Variants in THBS4 observed in about 807,000 individuals in gnomAD.
THBS4 encodes thrombospondin-4.
In THBS4, 90 loss-of-function variants were observed where a neutral mutation model predicts 115.7. The observed-to-expected ratio is 0.78, with a 90% CI of 0.66 to 0.93. THBS4 has a LOEUF of 0.93. Ranked by LOEUF, THBS4 falls within the 40% of genes least tolerant of loss-of-function variation. The pLI, the probability that THBS4 is intolerant of heterozygous loss-of-function variation, is 0.00. For missense variants in THBS4, 1,087 were observed against 1,232.7 expected (o/e 0.88, Z 1.77); for synonymous variants, 460 against 479.3 (o/e 0.96, Z 0.53).
intron 2 of THBS4, among the ~76,000 whole-genome samples, chr5:80,044,487 A>C (rs570434445): frequency 4.8e-4 from 73 of 152,232 alleles, no homozygotes; most frequent in African/African-American, 1.7e-3. Flanking sequence ...CAGTCGCTAG[A>C]TATCGGCTCA....
At position 80,040,133 on chromosome 5, in the gene THBS4, G is replaced by A; in HGVS notation, c.145G>A (p.Val49Ile). ...GCTAAACCCAGGCGCTCTGCTGCCA[G>A]TCCTGACAGACCCCGCCCTGAATGA... ...QRLNPGALLP[V>I]LTDPALNDLY... The change falls in exon 2 of 22, where the codon GTC (valine) becomes ATC (isoleucine). Residue 49 changes from valine to isoleucine, a missense_variant. Val to Ile is a conservative substitution (Grantham distance 29). Around this residue, in one of 3 missense-constraint regions of THBS4, gnomAD observed 979 missense variants for 1,103.7 expected, o/e 0.89. Coordinates refer to ENST00000350881, the MANE Select transcript of THBS4 (RefSeq NM_003248.6). 6.2e-7 allele frequency: 1 copy of A among 1,614,054 alleles called. No homozygotes were observed. The highest frequency in any genetic ancestry group is 8.5e-7 in the Non-Finnish European group (1 of 1,180,018).
At chr5:80,064,201 C>T (rs1428908213) in intron 8 of THBS4, among the ~76,000 whole-genome samples, 2 of 152,228 alleles carry the variant, frequency 1.3e-5, no homozygotes, top group Admixed American at 6.5e-5. Context: ...CAAAGCACCA[C>T]ACTTGTACCA....
chr5:80,065,277 C>T (rs1279126283), intron 8 of THBS4, 132 bp from the exon 9 acceptor site: 16 of 690,204 alleles, frequency 2.3e-5, no homozygotes, highest in South Asian at 1.1e-4. Flanking sequence ...CACAAATAAC[C>T]CTCAGATTAC....
At chr5:80,057,419 C>T (rs1177157910) in intron 3 of THBS4, among the ~76,000 whole-genome samples, 1 of 152,172 alleles carries the variant, frequency 6.6e-6, no homozygotes, top group Admixed American at 6.5e-5. Flanking sequence ...TTAGTGCTAC[C>T]ATGGTGGGCA....
chr5:80,041,153 C>T (rs542439982), intron 2 of THBS4, among the ~76,000 whole-genome samples: 3 of 152,274 alleles, frequency 2.0e-5, no homozygotes, highest in East Asian at 3.9e-4. Context: ...CCATACCACC[C>T]GCAGATTTGG....
chr5:79,998,778 A>T lies in THBS4; in HGVS notation n.177+351A>T, dbSNP rs549331839. On this transcript the variant is annotated intron_variant and non_coding_transcript_variant, in intron 2 of 3. Coordinates refer to the THBS4 transcript ENST00000510218. ...GGCATGTGATGCAAAAAATGGGCAC[A>T]TGAAATATCCAGAGCATTCAACCAG... Among the ~76,000 whole-genome samples, 5 of 152,248 alleles carry T rather than the reference A, an allele frequency of 3.3e-5. No individual in the cohort carries two copies. In the South Asian group the frequency reaches 1.0e-3, roughly 32 times the overall value.
At chr5:80,036,332 G>A (rs1368979411) in intron 1 of THBS4, among the ~76,000 whole-genome samples, 1 of 152,116 alleles carries the variant, frequency 6.6e-6, no homozygotes. Flanking sequence ...GCAGTGGATA[G>A]ATATGGACAT....
At chr5:80,059,408 T>G (rs2112096653) in intron 5 of THBS4, 32 bp from the exon 6 acceptor site, 2 of 1,607,318 alleles carry the variant, frequency 1.2e-6, no homozygotes, top group Non-Finnish European at 1.7e-6. Context: ...GCATTCCTTT[T>G]CAATCCTTTT....
In THBS4 at chr5:80,056,039, ACCCAC is replaced by A; in HGVS notation, c.540+8_540+12del. 1 of 1,586,344 alleles carries A rather than the reference ACCCAC, an allele frequency of 6.3e-7. No homozygotes were observed. Among genetic ancestry groups the A allele is most frequent in the Non-Finnish European group, 8.6e-7 (1 of 1,163,080 alleles). ...TTTCCAGAGGAAGCCACAGGTAGGAACCCACAAACCATTCTCTGAAGTGGAAAAAT... is the reference window on the plus strand; with the variant it reads ...TTTCCAGAGGAAGCCACAGGTAGGAAAAACCATTCTCTGAAGTGGAAAAAT... On this transcript the variant is annotated splice_region_variant and intron_variant, in intron 3 of 21. Coordinates refer to ENST00000350881, the MANE Select transcript of THBS4 (RefSeq NM_003248.6).
chr5:80,070,468 C>T, intron 11 of THBS4, 58 bp downstream of exon 11: 3 of 1,512,190 alleles, frequency 2.0e-6, no homozygotes, highest in Non-Finnish European at 2.8e-6. Context: ...AAAGTCACAT[C>T]TTCTATGGGG....
At chr5:80,042,827 A>G (rs1832946273) in intron 2 of THBS4, among the ~76,000 whole-genome samples, 1 of 152,236 alleles carries the variant, frequency 6.6e-6, no homozygotes, top group South Asian at 2.1e-4. Context: ...TTAGCCAGGC[A>G]TGGCAGTATG....
In THBS4 at chr5:80,082,497, T is replaced by C. The variant is rs758819701; in HGVS notation, c.2776T>C (p.Phe926Leu). The C allele has an allele frequency of 6.2e-7, 1 of 1,614,206 alleles. No individual in the cohort carries two copies. The highest frequency in any genetic ancestry group is 8.5e-7 in the Non-Finnish European group (1 of 1,180,040). Residue 926 changes from phenylalanine (F) to leucine (L), a missense_variant, in exon 21 of 22, where the codon TTC (phenylalanine) becomes CTC (leucine). Physicochemically the swap from Phe to Leu is conservative, Grantham distance 22. Around this residue, in one of 3 missense-constraint regions of THBS4, gnomAD observed 103 missense variants for 108.2 expected, o/e 0.95. Coordinates refer to ENST00000350881, the MANE Select transcript of THBS4 (RefSeq NM_003248.6). ...TGGAGGCCGACTTGGCGTTTTCTGCTTCTCTCAAGAAAACATCATCTGGTC... is the reference window on the plus strand; with the variant it reads ...TGGAGGCCGACTTGGCGTTTTCTGCCTCTCTCAAGAAAACATCATCTGGTC... Reference protein sequence around the residue: ...MRGGRLGVFCFSQENIIWSNL... With the variant: ...MRGGRLGVFCLSQENIIWSNL...
chr5:80,051,466 G>A (rs17879700), intron 2 of THBS4, among the ~76,000 whole-genome samples: 5,257 of 152,290 alleles, frequency 0.035, 123 homozygotes, highest in Non-Finnish European at 0.05. Context: ...TAATTTTTCT[G>A]CTAACAAACA....
rs140412206 is a variant in THBS4, at chr5:80,060,543, T to G, written c.987+638T>G. 1.4e-3 allele frequency among the ~76,000 whole-genome samples: 210 copies of G among 152,240 alleles called. 2 individuals are homozygous for G. In the Middle Eastern group the frequency reaches 0.027, roughly 20 times the overall value. ...GGGAGGCTGAGGCAGGAGGATCACA[T>G]GAGCCCAGGAGTTTGAGACCAGCCC... On this transcript the variant is annotated intron_variant, in intron 7 of 21. Coordinates refer to ENST00000350881, the MANE Select transcript of THBS4 (RefSeq NM_003248.6).
chr5:79,992,626 G>A (rs1335462605), intron 1 of THBS4, among the ~76,000 whole-genome samples: 2 of 152,200 alleles, frequency 1.3e-5, no homozygotes, highest in Admixed American at 1.3e-4. Flanking sequence ...CATTTATTGA[G>A]CAGCTCCTAT....
chr5:80,075,162 G>GTTAT (rs2112156097), intron 15 of THBS4: 1 of 152,246 alleles, frequency 6.6e-6, no homozygotes, highest in South Asian at 2.1e-4. Flanking sequence ...TTTTTTTGGT[G>GTTAT]TTATTTTTTA....
intron 2 of THBS4, among the ~76,000 whole-genome samples, chr5:80,011,236 C>T (rs141870353): frequency 0.013 from 1,984 of 152,314 alleles, 49 homozygotes; most frequent in African/African-American, 0.046. Context: ...TCCCCAGCCA[C>T]GTGGAACTGC....
intron 21 of THBS4, 56 bp from the exon 22 acceptor site, chr5:80,083,024 C>A (rs1353970365): frequency 4.6e-6 from 7 of 1,527,326 alleles, no homozygotes; most frequent in African/African-American, 4.1e-5. Flanking sequence ...GGCGGGGGTC[C>A]GGGGTCCGGG....
At chr5:80,041,804 G>T (rs1832912394) in intron 2 of THBS4, among the ~76,000 whole-genome samples, 1 of 152,212 alleles carries the variant, frequency 6.6e-6, no homozygotes, top group South Asian at 2.1e-4. Flanking sequence ...TAATAAAATA[G>T]GAGGGCTGGT....
Sources: gnomAD v4.1 joint callset for allele counts (sites outside exome capture counted in the v4.1 genomes callset) on GRCh38, gnomAD v4.1.1 for gene constraint, gnomAD v4.1.1 regional missense constraint, MANE v1.5 for transcripts, NCBI Gene and HGNC (gene_info 2026-07-23, HGNC 2026-07-21) for gene names.